The following CDON variants were observed in gnomAD, a reference collection of about 807,000 sequenced individuals.
CDON encodes cell adhesion molecule-related/down-regulated by oncogenes.
Under a neutral mutation model 120.9 loss-of-function variants are expected in CDON, and 73 were observed. The observed-to-expected ratio is 0.60, with a 90% CI of 0.50 to 0.73. The LOEUF is 0.73. Ranked by LOEUF, CDON falls within the 30% of genes least tolerant of loss-of-function variation. The probability of loss-of-function intolerance (pLI) is 0.00; values close to 1 mark genes in which losing one functional copy is unlikely to be tolerated. For synonymous variants in CDON, 566 were observed against 573.5 expected (o/e 0.99, Z 0.19); for missense variants, 1,470 against 1,587.3 (o/e 0.93, Z 1.26).
In CDON at chr11:126,038,240, G is replaced by C. The variant is rs950167248; in HGVS notation, c.-61-14703C>G. 2.0e-5 allele frequency among the ~76,000 whole-genome samples: 3 copies of C among 152,256 alleles called. No homozygotes were observed. The South Asian group carries it at 6.2e-4, about 32-fold the overall frequency. On this transcript the variant is annotated intron_variant, in intron 1 of 19. Coordinates refer to ENST00000531738, the MANE Select transcript of CDON (RefSeq NM_001378964.1). ...CCCTAGCCAACTTTACTTTGTGAAC[G>C]TCACAGCCACTGTCAAACAATCATT...
At chr11:126,010,274 A>C in intron 8 of CDON, 67 bp downstream of exon 8, 3 of 1,109,202 alleles carry the variant, frequency 2.7e-6, no homozygotes, top group Non-Finnish European at 3.9e-6. Flanking sequence ...AACATATTTC[A>C]AATCACTTTA....
chr11:125,986,307 G>C (rs1330495839), intron 15 of CDON, among the ~76,000 whole-genome samples: 1 of 152,110 alleles, frequency 6.6e-6, no homozygotes, highest in African/African-American at 2.4e-5. Context: ...TGGGGGGAGG[G>C]GATGTGGGAG....
intron 1 of CDON, among the ~76,000 whole-genome samples, chr11:126,056,588 C>T (rs976076138): frequency 2.6e-5 from 4 of 152,160 alleles, no homozygotes; most frequent in East Asian, 3.8e-4. Flanking sequence ...AGCTATTAAC[C>T]ACAGCCAAAG....
chr11:125,961,918 C>T lies in CDON; in HGVS notation c.3437G>A (p.Gly1146Asp), dbSNP rs573704535. The T allele has an allele frequency of 1.2e-5, 20 of 1,614,230 alleles. No individual in the cohort carries two copies. The East Asian group carries it at 4.2e-4, about 34-fold the overall frequency. Reference sequence around the variant, plus strand: ...GTGACTGAGGGGCTTCATTTCCAAACCATCCTGAGGATAAGGTGCTACCAC... The same window carrying T: ...GTGACTGAGGGGCTTCATTTCCAAATCATCCTGAGGATAAGGTGCTACCAC... The part of the protein sequence containing the change: ...VPVVAPYPQD[G>D]LEMKPLSHVK... Residue 1146 changes from glycine (G) to aspartate (D), a missense_variant, in exon 19 of 20, where the codon GGT becomes GAT. Transcript: ENST00000531738.
intron 8 of CDON, among the ~76,000 whole-genome samples, chr11:126,008,438 C>T (rs1004451697): frequency 6.6e-6 from 1 of 152,144 alleles, no homozygotes; most frequent in African/African-American, 2.4e-5. Context: ...TGGTAGAATA[C>T]AGCTGATGGG....
chr11:126,019,782 A>T lies in CDON; in HGVS notation c.350-17T>A. On this transcript the variant is annotated splice_polypyrimidine_tract_variant and intron_variant, in intron 3 of 19. Coordinates refer to ENST00000531738, the MANE Select transcript of CDON (RefSeq NM_001378964.1). ...CACCAAGAACTGAAATATATAAGGAAACAGATAAATAAATACATGCAAATT... is the reference window on the plus strand; with the variant it reads ...CACCAAGAACTGAAATATATAAGGATACAGATAAATAAATACATGCAAATT... 6.3e-7 allele frequency: 1 copy of T among 1,599,750 alleles called. No individual in the cohort carries two copies. Among genetic ancestry groups the T allele is most frequent in the Non-Finnish European group, 8.6e-7 (1 of 1,168,252 alleles).
At chr11:125,965,637 C>T (rs1030400917) in intron 18 of CDON, among the ~76,000 whole-genome samples, 2 of 152,184 alleles carry the variant, frequency 1.3e-5, no homozygotes, top group Non-Finnish European at 2.9e-5. Context: ...TGAAGGGCTA[C>T]ACCCTAAAAA....
chr11:125,980,299 A>G lies in CDON; in HGVS notation c.3276+750T>C, dbSNP rs951518245. 9.9e-5 allele frequency among the ~76,000 whole-genome samples: 15 copies of G among 152,206 alleles called. 1 individual carries two copies. The highest frequency in any genetic ancestry group is 9.2e-4 in the Admixed American group (14 of 15,274). ...GTTATCTCTGAAATAAGGTTGTCTT[A>G]AGGGTTTATCACTCTTTGTGTGGCT... is the stretch of plus-strand genomic sequence containing the variant. On this transcript the variant is annotated intron_variant, in intron 17 of 19. Coordinates refer to ENST00000531738, the MANE Select transcript of CDON (RefSeq NM_001378964.1).
chr11:126,003,222 T>C (rs1947007347), intron 10 of CDON, among the ~76,000 whole-genome samples: 1 of 152,206 alleles, frequency 6.6e-6, no homozygotes, highest in Admixed American at 6.5e-5. Flanking sequence ...GCTTCTTGCC[T>C]AACATGTAAA....
At chr11:126,020,390 C>T (rs575588894) in intron 3 of CDON, among the ~76,000 whole-genome samples, 1 of 152,280 alleles carries the variant, frequency 6.6e-6, no homozygotes, top group East Asian at 1.9e-4. Flanking sequence ...AATCTACTAA[C>T]TTGGTCTCAA....
intron 18 of CDON, among the ~76,000 whole-genome samples, chr11:125,967,537 A>C (rs571729943): frequency 6.6e-6 from 1 of 152,376 alleles, no homozygotes. Context: ...CACACAGCAC[A>C]GTCAGGTACT....
chr11:126,039,525 A>G (rs1948196463), intron 1 of CDON, among the ~76,000 whole-genome samples: 1 of 152,238 alleles, frequency 6.6e-6, no homozygotes. Flanking sequence ...ATTAAAGATC[A>G]TGCTGGTTCA....
At chr11:126,053,708 G>A (rs189034896) in intron 1 of CDON, among the ~76,000 whole-genome samples, 2 of 149,248 alleles carry the variant, frequency 1.3e-5, no homozygotes, top group African/African-American at 5.2e-5. Flanking sequence ...CACATGGTGA[G>A]GTTTAACCCC....
At chr11:126,014,454 G>A (rs1457457651) in intron 7 of CDON, among the ~76,000 whole-genome samples, 2 of 152,182 alleles carry the variant, frequency 1.3e-5, no homozygotes, top group East Asian at 1.9e-4. Flanking sequence ...GGAGAGTTAA[G>A]TATTGCTGGT....
intron 1 of CDON, among the ~76,000 whole-genome samples, chr11:126,028,098 T>C (rs1016877193): frequency 1.3e-5 from 2 of 152,130 alleles, no homozygotes; most frequent in African/African-American, 2.4e-5. Flanking sequence ...ATATTTTATA[T>C]GTCGGTTTTA....
Position 126,035,003 on chromosome 11 carries a change from C to T in CDON, c.-61-11466G>A, listed in dbSNP as rs192242333. ...TATGGAAACATTTGAAAAAGTGCCC[C>T]ATATAGGTGTTAGGTAATATAATTA... On this transcript the variant is annotated intron_variant, in intron 1 of 19. Coordinates refer to ENST00000531738, the MANE Select transcript of CDON (RefSeq NM_001378964.1). 3.1e-4 allele frequency among the ~76,000 whole-genome samples: 47 copies of T among 152,296 alleles called. 1 individual carries two copies. Among genetic ancestry groups the T allele is most frequent in the African/African-American group, 1.1e-3 (46 of 41,572 alleles).
At position 126,032,387 on chromosome 11, in the gene CDON, T is replaced by A. The variant is rs145679125; in HGVS notation, c.-61-8850A>T. Among the ~76,000 whole-genome samples the A allele has an allele frequency of 4.1e-4, 63 of 151,988 alleles. 1 individual carries two copies. Among genetic ancestry groups the A allele is most frequent in the African/African-American group, 1.3e-3 (53 of 41,458 alleles). On this transcript the variant is annotated intron_variant, in intron 1 of 19. Transcript: ENST00000531738. ...AGAATCAGAGTAAGGATGTCTGGGC[T>A]GGAAAATACAGTAAGAAGAGAAGGA... is the stretch of plus-strand genomic sequence containing the variant.
At chr11:126,013,032 T>C (rs574380805) in intron 7 of CDON, among the ~76,000 whole-genome samples, 1 of 152,334 alleles carries the variant, frequency 6.6e-6, no homozygotes, top group Admixed American at 6.5e-5. Flanking sequence ...ATTAAGAAAG[T>C]TCAACTCTAT....
Position 126,062,863 on chromosome 11 carries a change from A to T in CDON, c.-346T>A, listed in dbSNP as rs1948839810. The T allele has an allele frequency of 6.6e-6, 1 of 151,152 alleles. No individual in the cohort carries two copies. The highest frequency in any genetic ancestry group is 2.4e-5 in the African/African-American group (1 of 41,092). The allele number at this position is 151,152 out of a possible 1,614,324, so 9.4% of individuals were successfully genotyped here. ...TCAGGGGAGGGGAGCTGAGGGGCGG[A>T]GTCACCGGGGCGCGCCCCCGCGGCT... On this transcript the variant is annotated 5_prime_UTR_variant, in exon 1 of 20. Coordinates refer to ENST00000531738, the MANE Select transcript of CDON (RefSeq NM_001378964.1).
Sources: gnomAD v4.1 joint callset for allele counts (sites outside exome capture counted in the v4.1 genomes callset) on GRCh38, gnomAD v4.1.1 for gene constraint, MANE v1.5 for transcripts, NCBI Gene and HGNC (gene_info 2026-07-23, HGNC 2026-07-21) for gene names.